NALF1: variants seen among roughly 807,000 people sequenced by gnomAD.
NALF1 encodes the protein NALCN channel auxiliary factor 1.
Under a neutral mutation model 48.4 loss-of-function variants are expected in NALF1, and 3 were observed. The ratio of observed to expected loss-of-function variants is 0.06; its 90% CI spans 0.03 to 0.16. NALF1 has a LOEUF of 0.16. NALF1 is among the 10% of genes least tolerant of loss of function. The pLI, the probability that NALF1 is intolerant of heterozygous loss-of-function variation, is 1.00. For missense variants in NALF1, 526 were observed against 571.5 expected (o/e 0.92, Z 0.81); for synonymous variants, 262 against 245.7 (o/e 1.07, Z -0.62).
At chr13:107,236,990 A>T (rs2138831216) in intron 1 of NALF1, among the ~76,000 whole-genome samples, 1 of 152,260 alleles carries the variant, frequency 6.6e-6, no homozygotes. Flanking sequence ...TGGAAATATT[A>T]CACCATTTTA....
At chr13:107,361,614 A>G (rs1301553604) in intron 1 of NALF1, among the ~76,000 whole-genome samples, 1 of 152,242 alleles carries the variant, frequency 6.6e-6, no homozygotes. Context: ...GTTTCCCATC[A>G]GAAGATGGTG....
At chr13:107,292,993 T>TTTTTC (rs1555330871) in intron 1 of NALF1, among the ~76,000 whole-genome samples, 1 of 8,826 alleles carries the variant, frequency 1.1e-4, no homozygotes, top group East Asian at 0.012. Flanking sequence ...TTTCTTTTTC[T>TTTTTC]TTTTTTTTTT....
At chr13:107,481,590 T>C (rs565267176) in intron 1 of NALF1, among the ~76,000 whole-genome samples, 14 of 152,288 alleles carry the variant, frequency 9.2e-5, no homozygotes, top group South Asian at 2.1e-4. Context: ...ACCTACTTGA[T>C]GGAAGGTACT....
At position 107,169,790 on chromosome 13, in the gene NALF1, C is replaced by T. The variant is rs1878755726; in HGVS notation, c.*707G>A. ...CTGTTTCTGGTTTGTGCAACAGGGG[C>T]TCAGAGGCCCACCAAGCGTGCACAC... On this transcript the variant is annotated 3_prime_UTR_variant, in exon 3 of 3. Transcript: ENST00000375915. 6.6e-6 allele frequency: 1 copy of T among 152,594 alleles called. No individual in the cohort carries two copies. The highest frequency in any genetic ancestry group is 2.1e-4 in the South Asian group (1 of 4,824). The allele number at this position is 152,594 out of a possible 1,614,324, so 9.5% of individuals were successfully genotyped here.
At chr13:107,749,636 T>C (rs1266054211) in intron 1 of NALF1, among the ~76,000 whole-genome samples, 1 of 152,102 alleles carries the variant, frequency 6.6e-6, no homozygotes, top group Non-Finnish European at 1.5e-5. Context: ...TACTACAGTA[T>C]ACTGTAGTTG....
At chr13:107,540,107 T>C (rs1238969877) in intron 1 of NALF1, among the ~76,000 whole-genome samples, 6 of 151,810 alleles carry the variant, frequency 4.0e-5, no homozygotes, top group Non-Finnish European at 5.9e-5. Flanking sequence ...ATTATGATTC[T>C]GTAGGCAATT....
At chr13:107,294,338 T>C (rs907585185) in intron 1 of NALF1, among the ~76,000 whole-genome samples, 2 of 152,214 alleles carry the variant, frequency 1.3e-5, no homozygotes, top group Non-Finnish European at 2.9e-5. Context: ...CCATTCATTA[T>C]AGCCAAAATG....
intron 1 of NALF1, among the ~76,000 whole-genome samples, chr13:107,675,653 T>G (rs553116199): frequency 6.6e-6 from 1 of 152,306 alleles, no homozygotes; most frequent in South Asian, 2.1e-4. Context: ...AACGTGAACC[T>G]AAGGTTCTTT....
At chr13:107,486,555 T>C (rs1204923084) in intron 1 of NALF1, among the ~76,000 whole-genome samples, 1 of 152,168 alleles carries the variant, frequency 6.6e-6, no homozygotes, top group Non-Finnish European at 1.5e-5. Context: ...GACGCCCTCT[T>C]ACGTTAGTGC....
At chr13:107,685,139 C>T (rs753055523) in intron 1 of NALF1, among the ~76,000 whole-genome samples, 1 of 152,008 alleles carries the variant, frequency 6.6e-6, no homozygotes, top group Non-Finnish European at 1.5e-5. Flanking sequence ...ATGGTGAAGC[C>T]CCATGTGTAC....
At chr13:107,554,372 T>C (rs1170942431) in intron 1 of NALF1, among the ~76,000 whole-genome samples, 1 of 152,182 alleles carries the variant, frequency 6.6e-6, no homozygotes, top group African/African-American at 2.4e-5. Flanking sequence ...GTGAGAGAGT[T>C]TGTGAGGCCT....
chr13:107,764,805 T>C (rs908334336), intron 1 of NALF1, among the ~76,000 whole-genome samples: 9 of 152,216 alleles, frequency 5.9e-5, no homozygotes, highest in Admixed American at 5.9e-4. Context: ...TTTACAGTTT[T>C]TTCAGCAAGA....
intron 2 of NALF1, among the ~76,000 whole-genome samples, chr13:107,201,782 T>C (rs897456183): frequency 2.0e-5 from 3 of 152,096 alleles, no homozygotes; most frequent in Non-Finnish European, 4.4e-5. Flanking sequence ...GACTAAAACA[T>C]GGCAAATGTC....
intron 1 of NALF1, among the ~76,000 whole-genome samples, chr13:107,506,736 TCATATA>T (rs1273593635): frequency 1.3e-5 from 2 of 152,160 alleles, no homozygotes; most frequent in Non-Finnish European, 2.9e-5. Context: ...TGAATAATAT[TCATATA>T]CATATTTTTA....
At chr13:107,847,653 G>C (rs1051381013) in intron 1 of NALF1, among the ~76,000 whole-genome samples, 1 of 152,186 alleles carries the variant, frequency 6.6e-6, no homozygotes, top group Non-Finnish European at 1.5e-5. Flanking sequence ...GAACAGCTGA[G>C]ATCCTCAGCT....
intron 1 of NALF1, among the ~76,000 whole-genome samples, chr13:107,772,047 A>G (rs747336718): frequency 2.6e-5 from 4 of 152,154 alleles, no homozygotes; most frequent in Non-Finnish European, 5.9e-5. Flanking sequence ...TTTTGCTTTA[A>G]AAATAATAAT....
chr13:107,498,710 A>C (rs916227332), intron 1 of NALF1, among the ~76,000 whole-genome samples: 4 of 152,176 alleles, frequency 2.6e-5, no homozygotes, highest in African/African-American at 9.6e-5. Flanking sequence ...GAAAGTATTA[A>C]GTAGGAGTTT....
intron 1 of NALF1, among the ~76,000 whole-genome samples, chr13:107,425,437 G>C (rs1884263620): frequency 6.6e-6 from 1 of 152,044 alleles, no homozygotes; most frequent in Admixed American, 6.6e-5. Flanking sequence ...AGAAAATATT[G>C]ACTCATTTAT....
chr13:107,354,727 C>T (rs1290972050), intron 1 of NALF1, among the ~76,000 whole-genome samples: 1 of 152,130 alleles, frequency 6.6e-6, no homozygotes, highest in Non-Finnish European at 1.5e-5. Context: ...CCAATTTGGA[C>T]TTCTGTTTCT....
Sources: allele counts gnomAD v4.1 joint callset (sites outside exome capture counted in the v4.1 genomes callset), GRCh38; gene constraint gnomAD v4.1.1; transcripts MANE v1.5; gene names NCBI Gene and HGNC (gene_info 2026-07-23, HGNC 2026-07-21).